RCAN2: variants seen among roughly 807,000 people sequenced by gnomAD.
RCAN2 encodes regulator of calcineurin 2, also known as calcipressin-2.
RCAN2 carries 9 observed loss-of-function variants against 23.6 expected under a neutral mutation model. The observed-to-expected ratio is 0.38, with a 90% CI of 0.23 to 0.67. The LOEUF is 0.67. RCAN2 is among the 30% of genes least tolerant of loss of function. RCAN2 has a pLI of 0.51. For missense variants in RCAN2, 273 were observed against 302.3 expected (o/e 0.90, Z 0.72); for synonymous variants, 109 against 115.7 (o/e 0.94, Z 0.37).
At chr6:46,235,837 C>T (rs111688646) in intron 4 of RCAN2, among the ~76,000 whole-genome samples, 102 of 152,322 alleles carry the variant, frequency 6.7e-4, no homozygotes, top group African/African-American at 2.2e-3. Context: ...GGTTTCCCCA[C>T]GACAGGAACT....
rs748491585 is a variant in RCAN2 at position 46,223,246 on chromosome 6, G to A, written c.627C>T (p.His209=). The change falls in exon 5 of 5, where the codon CAC becomes CAT. Residue 209 remains histidine (H), a synonymous_variant. Transcript: ENST00000371374. Reference sequence around the variant, plus strand: ...CTTCCTCTATGTCACTGTCGCACACGTGCACGACGACACTTGGGGTGGACT... The same window carrying A: ...CTTCCTCTATGTCACTGTCGCACACATGCACGACGACACTTGGGGTGGACT... ...GTESTPSVVV[H]VCDSDIEEEE... 55 of 1,613,838 alleles carry A rather than the reference G, an allele frequency of 3.4e-5. No homozygotes were observed. In the East Asian group the frequency reaches 8.9e-4, roughly 26 times the overall value.
chr6:46,407,741 T>TTA (rs1561893338), intron 2 of RCAN2, among the ~76,000 whole-genome samples: 1 of 152,220 alleles, frequency 6.6e-6, no homozygotes, highest in African/African-American at 2.4e-5. Context: ...TTAGGTGATT[T>TTA]TATAATTTTA....
intron 2 of RCAN2, among the ~76,000 whole-genome samples, chr6:46,418,783 T>C (rs570356580): frequency 1.2e-4 from 18 of 148,558 alleles, no homozygotes; most frequent in African/African-American, 4.5e-4. Flanking sequence ...CAAAATTCAA[T>C]GCTTCTTTAG....
chr6:46,296,099 G>GTC (rs1561847212), intron 2 of RCAN2, among the ~76,000 whole-genome samples: 2 of 150,102 alleles, frequency 1.3e-5, no homozygotes, highest in Non-Finnish European at 3.0e-5. Context: ...GTGTGTGTGT[G>GTC]TGTGTCTGTG....
At chr6:46,272,640 T>C (rs1767558332) in intron 2 of RCAN2, among the ~76,000 whole-genome samples, 1 of 152,256 alleles carries the variant, frequency 6.6e-6, no homozygotes, top group African/African-American at 2.4e-5. Context: ...TTTTCTGTTA[T>C]AAAACTGTGT....
At chr6:46,323,815 A>T (rs529247769) in intron 2 of RCAN2, among the ~76,000 whole-genome samples, 2 of 152,352 alleles carry the variant, frequency 1.3e-5, no homozygotes, top group South Asian at 4.1e-4. Context: ...TATGCCATAT[A>T]AGCATATTTT....
chr6:46,242,416 C>T (rs923089337), intron 4 of RCAN2, among the ~76,000 whole-genome samples: 3 of 152,174 alleles, frequency 2.0e-5, no homozygotes, highest in Middle Eastern at 3.2e-3. Context: ...TGACTTAGCC[C>T]GAGTCCCATC....
At chr6:46,438,122 C>A (rs556719387) in intron 2 of RCAN2, among the ~76,000 whole-genome samples, 1 of 152,296 alleles carries the variant, frequency 6.6e-6, no homozygotes, top group South Asian at 2.1e-4. Context: ...AAAAAAGGCC[C>A]TGTGTGACAG....
At chr6:46,473,691 A>G (rs1538993) in intron 1 of RCAN2, among the ~76,000 whole-genome samples, 104,392 of 151,930 alleles carry the variant, frequency 0.69, 35,855 homozygotes, top group South Asian at 0.78. Flanking sequence ...CCTGATAATT[A>G]TTAGATAAAT....
At chr6:46,432,371 G>T (rs962295097) in intron 2 of RCAN2, among the ~76,000 whole-genome samples, 1 of 151,940 alleles carries the variant, frequency 6.6e-6, no homozygotes, top group African/African-American at 2.4e-5. Flanking sequence ...GTGCCACCAT[G>T]CCTGGCTAAC....
chr6:46,374,888 A>AT (rs1765416988), intron 2 of RCAN2, among the ~76,000 whole-genome samples: 1 of 58,988 alleles, frequency 1.7e-5, no homozygotes, highest in South Asian at 6.1e-4. Context: ...ACTCACAGCT[A>AT]TTTATTTATT....
At chr6:46,383,741 G>T (rs186393298) in intron 2 of RCAN2, among the ~76,000 whole-genome samples, 1 of 152,172 alleles carries the variant, frequency 6.6e-6, no homozygotes. Flanking sequence ...AATCTTACCG[G>T]ATGGCAAAGA....
intron 1 of RCAN2, among the ~76,000 whole-genome samples, chr6:46,487,477 G>A (rs138295993): frequency 2.6e-5 from 4 of 152,256 alleles, no homozygotes; most frequent in African/African-American, 9.6e-5. Flanking sequence ...CGTTTACCCT[G>A]GCGGCAAAGG....
intron 2 of RCAN2, among the ~76,000 whole-genome samples, chr6:46,342,246 T>C (rs971384106): frequency 2.0e-5 from 3 of 152,042 alleles, no homozygotes; most frequent in Middle Eastern, 3.2e-3. Context: ...GGAAAAAGAG[T>C]ATCAGGGCAA....
At chr6:46,449,557 T>C (rs1273450941) in intron 2 of RCAN2, among the ~76,000 whole-genome samples, 2 of 148,084 alleles carry the variant, frequency 1.4e-5, no homozygotes, top group African/African-American at 4.9e-5. Flanking sequence ...CAATCTTGAG[T>C]AAAAAGAAAA....
At chr6:46,383,583 G>C (rs115361549) in intron 2 of RCAN2, among the ~76,000 whole-genome samples, 2,200 of 152,120 alleles carry the variant, frequency 0.014, 23 homozygotes, top group Non-Finnish European at 0.02. Flanking sequence ...TGAATTAAAG[G>C]ATGATTTTCT....
chr6:46,312,667 T>C (rs1763302286), intron 2 of RCAN2, among the ~76,000 whole-genome samples: 2 of 152,220 alleles, frequency 1.3e-5, no homozygotes, highest in Non-Finnish European at 2.9e-5. Flanking sequence ...ATCCTCAAGA[T>C]GGCTGCTTTT....
rs1766526377 is a variant in RCAN2 at position 46,246,751 on chromosome 6, G to A, written c.568C>T (p.Pro190Ser). The A allele has an allele frequency of 6.2e-7, 1 of 1,612,768 alleles. No individual in the cohort carries two copies. The highest frequency in any genetic ancestry group is 8.5e-7 in the Non-Finnish European group (1 of 1,179,316). The change falls in exon 4 of 5, where the codon CCA becomes TCA. Residue 190 changes from proline to serine, a missense_variant. Physicochemically the swap from Pro to Ser is moderately conservative, Grantham distance 74. Transcript: ENST00000371374. ...TAAAATGGACCGCAAAGCTTACCTG[G>A]TCCTAGTTTGGCCACAGCATAGAGG... ...DLLYAVAKLG[P>S]GEKYELHAGT... is the part of the protein sequence containing the mutation.
intron 2 of RCAN2, among the ~76,000 whole-genome samples, chr6:46,436,807 A>G (rs182408304): frequency 9.2e-5 from 14 of 152,280 alleles, no homozygotes; most frequent in Admixed American, 9.2e-4. Flanking sequence ...CTCTCTCTCA[A>G]TCACTCTGCT....
Sources: gnomAD v4.1 joint callset for allele counts (sites outside exome capture counted in the v4.1 genomes callset) on GRCh38, gnomAD v4.1.1 for gene constraint, MANE v1.5 for transcripts, NCBI Gene and HGNC (gene_info 2026-07-23, HGNC 2026-07-21) for gene names.